The following CORO2B variants were observed in gnomAD, a reference collection of about 807,000 sequenced individuals.
CORO2B encodes the protein coronin 2B.
In CORO2B, 26 loss-of-function variants were observed where a neutral mutation model predicts 58.8. That is an observed-to-expected ratio of 0.44 (90% CI 0.32 to 0.61). The LOEUF (loss-of-function observed/expected upper bound fraction) is 0.61, where lower values mean the gene tolerates loss of function less well. Ranked by LOEUF, CORO2B falls within the 20% of genes least tolerant of loss-of-function variation. CORO2B has a pLI of 0.04. For synonymous variants in CORO2B, 242 were observed against 253.8 expected (o/e 0.95, Z 0.44); for missense variants, 460 against 645.1 (o/e 0.71, Z 3.11).
chr15:68,657,124 C>T (rs936825564), intron 2 of CORO2B, among the ~76,000 whole-genome samples: 5 of 152,120 alleles, frequency 3.3e-5, no homozygotes, highest in Non-Finnish European at 7.4e-5. Context: ...TTGGGGGAGT[C>T]AGGGATAGAT....
chr15:68,550,200 T>G, the CORO2B span, among the ~76,000 whole-genome samples: 1 of 152,226 alleles, frequency 6.6e-6, no homozygotes, highest in Non-Finnish European at 1.5e-5. Context: ...TGAAGCTGCT[T>G]CTTTCTTACC....
chr15:68,565,233 A>G, the CORO2B span, among the ~76,000 whole-genome samples: 2 of 152,020 alleles, frequency 1.3e-5, no homozygotes, highest in Non-Finnish European at 2.9e-5. Context: ...TAATATATTG[A>G]TATATTTTCT....
At chr15:68,560,093 G>A in the CORO2B span, among the ~76,000 whole-genome samples, 1 of 152,154 alleles carries the variant, frequency 6.6e-6, no homozygotes, top group South Asian at 2.1e-4. Flanking sequence ...TGACGTGGCC[G>A]GGCACTTGCA....
intron 5 of CORO2B, among the ~76,000 whole-genome samples, chr15:68,713,108 C>T (rs1291234290): frequency 6.6e-6 from 1 of 152,138 alleles, no homozygotes; most frequent in African/African-American, 2.4e-5. Context: ...TGTCACGAGC[C>T]AGTGGGCAGG....
intron 3 of CORO2B, among the ~76,000 whole-genome samples, chr15:68,706,575 A>T (rs374103225): frequency 1.3e-5 from 2 of 152,226 alleles, no homozygotes; most frequent in East Asian, 3.8e-4. Context: ...ATGCACCAAG[A>T]TACAGTATGA....
chr15:68,649,003 A>G (rs8039918), intron 2 of CORO2B, among the ~76,000 whole-genome samples: 2,245 of 152,314 alleles, frequency 0.015, 61 homozygotes, highest in African/African-American at 0.052. Context: ...CAATTTTTAA[A>G]TTATATTCAA....
intron 2 of CORO2B, among the ~76,000 whole-genome samples, chr15:68,657,717 G>A (rs1901860315): frequency 6.6e-6 from 1 of 152,120 alleles, no homozygotes; most frequent in Non-Finnish European, 1.5e-5. Flanking sequence ...TGTGATACCT[G>A]TTGATGAACA....
chr15:68,722,939 C>T (rs932953047), intron 11 of CORO2B, among the ~76,000 whole-genome samples: 22 of 151,618 alleles, frequency 1.5e-4, no homozygotes, highest in Non-Finnish European at 2.4e-4. Context: ...TGGTGGCGCA[C>T]GCCTGTAATC....
intron 1 of CORO2B, among the ~76,000 whole-genome samples, chr15:68,609,389 G>C (rs1171674955): frequency 6.6e-6 from 1 of 152,156 alleles, no homozygotes; most frequent in African/African-American, 2.4e-5. Context: ...CTCCCAGCAG[G>C]GCCTGTATTT....
the CORO2B span, among the ~76,000 whole-genome samples, chr15:68,564,453 G>A: frequency 1.3e-5 from 2 of 152,032 alleles, no homozygotes; most frequent in Non-Finnish European, 2.9e-5. Flanking sequence ...ACAGGAGCGT[G>A]CCACTACAAC....
the CORO2B span, among the ~76,000 whole-genome samples, chr15:68,572,982 GATAC>G: frequency 6.6e-6 from 1 of 152,074 alleles, no homozygotes. Context: ...CACATGCACA[GATAC>G]ATACAGTCCT....
chr15:68,704,785 A>G (rs749684348), intron 3 of CORO2B, among the ~76,000 whole-genome samples: 2 of 152,062 alleles, frequency 1.3e-5, no homozygotes, highest in Non-Finnish European at 2.9e-5. Flanking sequence ...TGACCCAGGG[A>G]CCTGTAAAGG....
chr15:68,649,147 A>G (rs1901552999), intron 2 of CORO2B, among the ~76,000 whole-genome samples: 1 of 152,218 alleles, frequency 6.6e-6, no homozygotes, highest in South Asian at 2.1e-4. Context: ...TAAACACTTC[A>G]TGGACAGCAG....
At chr15:68,668,458 T>C (rs934225921) in intron 2 of CORO2B, among the ~76,000 whole-genome samples, 24 of 152,350 alleles carry the variant, frequency 1.6e-4, no homozygotes, top group African/African-American at 5.8e-4. Context: ...AACACAGTGA[T>C]GCCGTAGAGA....
At chr15:68,720,466 C>G (rs56348473) in intron 11 of CORO2B, among the ~76,000 whole-genome samples, 5 of 152,152 alleles carry the variant, frequency 3.3e-5, no homozygotes, top group Non-Finnish European at 5.9e-5. Context: ...TTTGCATGCC[C>G]GTGGCTGAAG....
At chr15:68,543,211 C>T in the CORO2B span, among the ~76,000 whole-genome samples, 1 of 152,194 alleles carries the variant, frequency 6.6e-6, no homozygotes, top group Non-Finnish European at 1.5e-5. Context: ...AAGACTGGCT[C>T]TCACTGGCTA....
chr15:68,702,934 C>A (rs1226081160), intron 3 of CORO2B, among the ~76,000 whole-genome samples: 1 of 138,500 alleles, frequency 7.2e-6, no homozygotes, highest in Admixed American at 8.1e-5. Flanking sequence ...TCAAGCGATT[C>A]TCATGCCTCA....
chr15:68,721,054 G>T (rs1318314309), intron 11 of CORO2B, among the ~76,000 whole-genome samples: 1 of 151,950 alleles, frequency 6.6e-6, no homozygotes, highest in Non-Finnish European at 1.5e-5. Flanking sequence ...GCTAATTTTT[G>T]TATTTTTGGT....
intron 1 of CORO2B, among the ~76,000 whole-genome samples, chr15:68,636,874 C>A (rs1213479729): frequency 6.6e-6 from 1 of 152,212 alleles, no homozygotes; most frequent in Non-Finnish European, 1.5e-5. Context: ...TGGAAATGCT[C>A]TGTAATCTCT....
Sources: allele counts gnomAD v4.1 joint callset (sites outside exome capture counted in the v4.1 genomes callset), GRCh38; gene constraint gnomAD v4.1.1; transcripts MANE v1.5; gene names NCBI Gene and HGNC (gene_info 2026-07-23, HGNC 2026-07-21).